ANO6: variants seen among roughly 807,000 people sequenced by gnomAD.
ANO6 encodes the protein anoctamin-6.
In ANO6, 106 loss-of-function variants were observed where a neutral mutation model predicts 117.5. That is an observed-to-expected ratio of 0.90 (90% CI 0.77 to 1.06). ANO6 has a LOEUF of 1.06. Ranked by LOEUF, ANO6 falls within the 50% of genes least tolerant of loss-of-function variation. The probability of loss-of-function intolerance (pLI) is 0.00; values close to 1 mark genes in which losing one functional copy is unlikely to be tolerated. For synonymous variants in ANO6, 367 were observed against 385.1 expected (o/e 0.95, Z 0.55); for missense variants, 955 against 1,121.1 (o/e 0.85, Z 2.12).
intron 8 of ANO6, among the ~76,000 whole-genome samples, chr12:45,364,411 C>A (rs1412766514): frequency 6.6e-6 from 1 of 152,094 alleles, no homozygotes; most frequent in Non-Finnish European, 1.5e-5. Context: ...CTCCTTTTTT[C>A]TCTGGGACTT....
At chr12:45,226,725 A>G (rs184560004) in intron 1 of ANO6, among the ~76,000 whole-genome samples, 3 of 152,190 alleles carry the variant, frequency 2.0e-5, no homozygotes, top group African/African-American at 7.2e-5. Flanking sequence ...TCACAGTCTT[A>G]TACATGCTTT....
At chr12:45,247,387 A>G (rs956564114) in intron 1 of ANO6, among the ~76,000 whole-genome samples, 77 of 152,246 alleles carry the variant, frequency 5.1e-4, no homozygotes, top group African/African-American at 1.6e-3. Context: ...TAGTAATGCT[A>G]TGAGGTAGGT....
At chr12:45,248,957 T>G (rs766476021) in intron 1 of ANO6, among the ~76,000 whole-genome samples, 1 of 152,164 alleles carries the variant, frequency 6.6e-6, no homozygotes, top group Non-Finnish European at 1.5e-5. Context: ...GAATCTGCTG[T>G]GGAAATGGAA....
intron 1 of ANO6, among the ~76,000 whole-genome samples, chr12:45,234,382 GAA>G: frequency 6.6e-6 from 1 of 152,160 alleles, no homozygotes; most frequent in South Asian, 2.1e-4. Flanking sequence ...TATTTCTCCA[GAA>G]GGTCACCTTT....
intron 1 of ANO6, among the ~76,000 whole-genome samples, chr12:45,293,500 C>A (rs1939173991): frequency 6.7e-6 from 1 of 148,920 alleles, no homozygotes. Context: ...ATAAAAATCA[C>A]TCTTTAAAAA....
chr12:45,249,021 C>T (rs1385374449), intron 1 of ANO6, among the ~76,000 whole-genome samples: 2 of 150,094 alleles, frequency 1.3e-5, no homozygotes, highest in Non-Finnish European at 3.0e-5. Flanking sequence ...GTTACTCAGA[C>T]TCTCTGGTCC....
intron 1 of ANO6, among the ~76,000 whole-genome samples, chr12:45,277,853 G>A (rs868011198): frequency 6.6e-6 from 1 of 151,950 alleles, no homozygotes; most frequent in Admixed American, 6.6e-5. Flanking sequence ...TTCTTTGAAC[G>A]CAGTACTTAG....
Position 45,429,328 on chromosome 12 carries a change from G to A in ANO6, c.*17G>A. The A allele has an allele frequency of 6.2e-7, 1 of 1,611,326 alleles. No individual in the cohort carries two copies. Among genetic ancestry groups the A allele is most frequent in the South Asian group, 1.1e-5 (1 of 90,768 alleles). ...TCAGAATAAGAGCTTTATGTTCTGA[G>A]AAGCACTTTAAGGAATTTAGCTTTG... is the stretch of plus-strand genomic sequence containing the variant. On this transcript the variant is annotated 3_prime_UTR_variant, in exon 20 of 20. Transcript: ENST00000320560.
At chr12:45,400,076 G>A (rs1449490096) in intron 12 of ANO6, among the ~76,000 whole-genome samples, 2 of 151,392 alleles carry the variant, frequency 1.3e-5, no homozygotes, top group Non-Finnish European at 2.9e-5. Context: ...CAGAATCTTA[G>A]GAGACCCCAA....
intron 7 of ANO6, among the ~76,000 whole-genome samples, chr12:45,356,858 G>A (rs1057086440): frequency 2.0e-5 from 3 of 152,138 alleles, no homozygotes. Context: ...TGTGACTTAC[G>A]TTACATTTTC....
intron 1 of ANO6, among the ~76,000 whole-genome samples, chr12:45,300,178 C>G (rs1352622510): frequency 6.6e-6 from 1 of 151,954 alleles, no homozygotes; most frequent in African/African-American, 2.4e-5. Flanking sequence ...AAAATTAAAG[C>G]ATTATTTATT....
intron 1 of ANO6, among the ~76,000 whole-genome samples, chr12:45,288,045 C>T (rs894526197): frequency 5.3e-5 from 8 of 152,156 alleles, no homozygotes; most frequent in African/African-American, 1.7e-4. Flanking sequence ...CCCCTCCACC[C>T]GTCAGATGGT....
intron 1 of ANO6, among the ~76,000 whole-genome samples, chr12:45,228,501 G>C: frequency 6.6e-6 from 1 of 152,044 alleles, no homozygotes; most frequent in East Asian, 1.9e-4. Context: ...TGCACAAAAA[G>C]TGCGGAAGGA....
At chr12:45,355,492 A>C (rs566157609) in intron 7 of ANO6, among the ~76,000 whole-genome samples, 1 of 152,198 alleles carries the variant, frequency 6.6e-6, no homozygotes, top group African/African-American at 2.4e-5. Context: ...GATTCTTTCC[A>C]ATTTAAATAT....
At chr12:45,366,571 C>T (rs1421291246) in intron 8 of ANO6, among the ~76,000 whole-genome samples, 2 of 152,100 alleles carry the variant, frequency 1.3e-5, no homozygotes, top group East Asian at 1.9e-4. Flanking sequence ...CTGTTTCTGA[C>T]GTCTTTATTT....
At chr12:45,228,012 A>C (rs959639633) in intron 1 of ANO6, among the ~76,000 whole-genome samples, 6 of 152,036 alleles carry the variant, frequency 3.9e-5, no homozygotes, top group African/African-American at 1.4e-4. Context: ...TTAGCAAAAG[A>C]TCCTAGGGGC....
At chr12:45,218,945 A>C (rs1028982813) in intron 1 of ANO6, among the ~76,000 whole-genome samples, 7 of 152,070 alleles carry the variant, frequency 4.6e-5, no homozygotes, top group Non-Finnish European at 8.8e-5. Flanking sequence ...TCAGACTGGG[A>C]GAATTATTTT....
chr12:45,228,130 T>G (rs1397598639), intron 1 of ANO6: 3 of 371,108 alleles, frequency 8.1e-6, no homozygotes, highest in African/African-American at 4.5e-5. Context: ...GTTGTTTTTT[T>G]TTTTTTTTTT....
chr12:45,397,654 C>T (rs1942658960), intron 12 of ANO6, among the ~76,000 whole-genome samples: 1 of 152,066 alleles, frequency 6.6e-6, no homozygotes, highest in Admixed American at 6.5e-5. Context: ...ACTATGCAGC[C>T]ATAAAAAAGG....
Sources: gnomAD v4.1 joint callset for allele counts (sites outside exome capture counted in the v4.1 genomes callset) on GRCh38, gnomAD v4.1.1 for gene constraint, MANE v1.5 for transcripts, NCBI Gene and HGNC (gene_info 2026-07-23, HGNC 2026-07-21) for gene names.